Variants in ADAMTS19 observed in about 807,000 individuals in gnomAD.
ADAMTS19 encodes A disintegrin and metalloproteinase with thrombospondin motifs 19.
In ADAMTS19, 93 loss-of-function variants were observed where a neutral mutation model predicts 153.3. The observed-to-expected ratio is 0.61, with a 90% CI of 0.51 to 0.72. The LOEUF is 0.72. Among genes scored for constraint, ADAMTS19 ranks in the 30% least tolerant of loss-of-function variants. The pLI, the probability that ADAMTS19 is intolerant of heterozygous loss-of-function variation, is 0.00. For missense variants in ADAMTS19, 1,482 were observed against 1,552.1 expected, an observed-to-expected ratio of 0.95 and a Z score of 0.76; for synonymous variants, 600 against 556.6, an observed-to-expected ratio of 1.08 and a Z score of -1.10.
chr5:129,532,680 A>T (rs1185621709), intron 6 of ADAMTS19, among the ~76,000 whole-genome samples: 2 of 152,206 alleles, frequency 1.3e-5, no homozygotes, highest in African/African-American at 2.4e-5. Context: ...AATTTTTCAT[A>T]ATTGCCAAAA....
At chr5:129,472,590 A>G (rs1053938835) in intron 2 of ADAMTS19, among the ~76,000 whole-genome samples, 2 of 152,158 alleles carry the variant, frequency 1.3e-5, no homozygotes, top group African/African-American at 4.8e-5. Context: ...TAATGCCAGC[A>G]TAAGTGTTTT....
intron 2 of ADAMTS19, among the ~76,000 whole-genome samples, chr5:129,472,313 A>G (rs1750094641): frequency 6.6e-6 from 1 of 152,216 alleles, no homozygotes; most frequent in East Asian, 1.9e-4. Flanking sequence ...AGTGGCTCTG[A>G]AAACAGCAGA....
At chr5:129,704,413 C>A in intron 21 of ADAMTS19, 22 bp downstream of exon 21, 9 of 1,608,756 alleles carry the variant, frequency 5.6e-6, no homozygotes, top group Non-Finnish European at 7.6e-6. Context: ...TCTGTATATT[C>A]TCAGTAATAG....
At chr5:129,662,863 C>T (rs150497440) in intron 15 of ADAMTS19, among the ~76,000 whole-genome samples, 28 of 147,912 alleles carry the variant, frequency 1.9e-4, no homozygotes, top group African/African-American at 6.7e-4. Context: ...CAGATGAGAT[C>T]TCCTCCTTCT....
At chr5:129,654,485 G>T in intron 14 of ADAMTS19, 52 bp downstream of exon 14, 1 of 1,578,528 alleles carries the variant, frequency 6.3e-7, no homozygotes, top group South Asian at 1.2e-5. Context: ...AAAATTGTGG[G>T]ACCACTGAGC....
At chr5:129,462,394 T>C (rs1435900724) in intron 2 of ADAMTS19, among the ~76,000 whole-genome samples, 1 of 152,214 alleles carries the variant, frequency 6.6e-6, no homozygotes, top group African/African-American at 2.4e-5. Flanking sequence ...CAAAGGGTTA[T>C]GGTTCTGTGA....
chr5:129,724,072 A>G (rs553340263), intron 21 of ADAMTS19, among the ~76,000 whole-genome samples: 253 of 152,328 alleles, frequency 1.7e-3, no homozygotes, highest in Non-Finnish European at 2.7e-3. Context: ...CAGGCTTCAG[A>G]GAGAATAGAT....
chr5:129,540,718 T>C (rs1236612027), intron 6 of ADAMTS19, among the ~76,000 whole-genome samples: 1 of 152,068 alleles, frequency 6.6e-6, no homozygotes, highest in African/African-American at 2.4e-5. Context: ...CCAGGCACTA[T>C]TAAACTCTAC....
At chr5:129,686,679 G>A (rs1450788407) in intron 18 of ADAMTS19, among the ~76,000 whole-genome samples, 2 of 152,054 alleles carry the variant, frequency 1.3e-5, no homozygotes, top group East Asian at 3.9e-4. Context: ...GAGTGGGAAG[G>A]AGCATCCTTT....
At chr5:129,713,640 A>C (rs994621236) in intron 21 of ADAMTS19, among the ~76,000 whole-genome samples, 5 of 152,146 alleles carry the variant, frequency 3.3e-5, no homozygotes, top group Admixed American at 3.3e-4. Context: ...ACATACATGT[A>C]ATCCCACCTA....
intron 8 of ADAMTS19, among the ~76,000 whole-genome samples, chr5:129,608,008 G>A (rs1750991447): frequency 7.1e-6 from 1 of 139,912 alleles, no homozygotes; most frequent in Admixed American, 7.2e-5. Flanking sequence ...ATATATAATG[G>A]AATATTTATT....
At chr5:129,705,560 G>T (rs550873057) in intron 21 of ADAMTS19, among the ~76,000 whole-genome samples, 1 of 152,216 alleles carries the variant, frequency 6.6e-6, no homozygotes, top group South Asian at 2.1e-4. Context: ...ACTCTAAAAG[G>T]ATGCTTTTGT....
At chr5:129,506,710 A>T (rs1751279827) in intron 2 of ADAMTS19, among the ~76,000 whole-genome samples, 2 of 152,052 alleles carry the variant, frequency 1.3e-5, no homozygotes, top group Non-Finnish European at 2.9e-5. Flanking sequence ...GGACTTTGTG[A>T]GTTTTTCAGC....
rs762665058 is a variant in ADAMTS19 at position 129,526,311 on chromosome 5, T to C, written c.941T>C (p.Ile314Thr). ...AAAGGAAGACCTAGGTCTAGAAAAA[T>C]AGCAGAAAGTGGAAGAGGGAAACGA... Reference protein sequence around the residue: ...SDKGRPRSRKIAESGRGKRYS... With the variant: ...SDKGRPRSRKTAESGRGKRYS... The change falls in exon 4 of 23, where the codon ATA becomes ACA. Residue 314 changes from isoleucine (I) to threonine (T), a missense_variant. By Grantham distance (89) the Ile-to-Thr change is moderately conservative (BLOSUM62 -1). Coordinates refer to ENST00000274487, the MANE Select transcript of ADAMTS19 (RefSeq NM_133638.6). 2.5e-6 allele frequency: 4 copies of C among 1,590,992 alleles called. No homozygotes were observed. In the South Asian group the frequency reaches 4.6e-5, roughly 18 times the overall value.
chr5:129,576,566 CTA>C (rs1378802875), intron 7 of ADAMTS19, among the ~76,000 whole-genome samples: 2 of 151,222 alleles, frequency 1.3e-5, no homozygotes, highest in Middle Eastern at 6.8e-3. Flanking sequence ...TATTTTCCCT[CTA>C]GTTTAAATTG....
chr5:129,506,421 T>A (rs1465129142), intron 2 of ADAMTS19, among the ~76,000 whole-genome samples: 1 of 150,638 alleles, frequency 6.6e-6, no homozygotes, highest in Non-Finnish European at 1.5e-5. Context: ...TTCTTGTTTT[T>A]AAAAGTAGCT....
At chr5:129,463,708 C>T (rs1749766192) in intron 2 of ADAMTS19, among the ~76,000 whole-genome samples, 1 of 152,010 alleles carries the variant, frequency 6.6e-6, no homozygotes, top group Non-Finnish European at 1.5e-5. Flanking sequence ...GAGGTTTGTT[C>T]CCTGATGATT....
intron 2 of ADAMTS19, among the ~76,000 whole-genome samples, chr5:129,475,919 A>T (rs951510999): frequency 6.6e-6 from 1 of 152,226 alleles, no homozygotes; most frequent in Non-Finnish European, 1.5e-5. Context: ...CTTCAAAGAA[A>T]CTTCCTGGAC....
At chr5:129,719,079 GT>G (rs1048826612) in intron 21 of ADAMTS19, among the ~76,000 whole-genome samples, 5 of 150,944 alleles carry the variant, frequency 3.3e-5, no homozygotes, top group African/African-American at 9.7e-5. Context: ...GCACTGAAAT[GT>G]TTTTTTTTCC....
Sources: allele counts gnomAD v4.1 joint callset (sites outside exome capture counted in the v4.1 genomes callset), GRCh38; gene constraint gnomAD v4.1.1; transcripts MANE v1.5; gene names NCBI Gene and HGNC (gene_info 2026-07-23, HGNC 2026-07-21).